PMVK: variants seen among roughly 807,000 people sequenced by gnomAD.
PMVK encodes the protein phosphomevalonate kinase.
PMVK carries 10 observed loss-of-function variants against 19.0 expected under a neutral mutation model. The observed-to-expected ratio is 0.53, with a 90% CI of 0.32 to 0.89. PMVK has a LOEUF of 0.89. Among genes scored for constraint, PMVK ranks in the 40% least tolerant of loss-of-function variants. PMVK has a pLI of 0.03. For synonymous variants in PMVK, 108 were observed against 101.6 expected (o/e 1.06, Z -0.38); for missense variants, 222 against 251.1 (o/e 0.88, Z 0.78).
chr1:154,932,453 A>C (rs1455098330), intron 1 of PMVK, 38 bp from the exon 2 acceptor site: 2 of 1,485,430 alleles, frequency 1.3e-6, no homozygotes, highest in Admixed American at 3.9e-5. Context: ...TTAGCCTAGA[A>C]TTTCCAGGAG....
At chr1:154,927,874 A>G (rs1398707622) in intron 3 of PMVK, among the ~76,000 whole-genome samples, 1 of 150,268 alleles carries the variant, frequency 6.7e-6, no homozygotes, top group Non-Finnish European at 1.5e-5. Context: ...ACGCTTCCCT[A>G]TCTCTCCTCA....
chr1:154,936,514 C>T, intron 1 of PMVK, 77 bp downstream of exon 1: 1 of 1,538,490 alleles, frequency 6.5e-7, no homozygotes, highest in Non-Finnish European at 8.8e-7. Flanking sequence ...AAAGCTCACT[C>T]CGTGACACCC....
At chr1:154,928,995 T>A (rs1301677224) in intron 3 of PMVK, 29 bp downstream of exon 3, 1 of 1,604,754 alleles carries the variant, frequency 6.2e-7, no homozygotes, top group Admixed American at 1.7e-5. Context: ...GAAACAGGTG[T>A]TCTTCATGCT....
upstream of PMVK, among the ~76,000 whole-genome samples, chr1:154,938,508 A>G (rs570592083): frequency 8.5e-5 from 13 of 152,274 alleles, no homozygotes; most frequent in East Asian, 2.3e-3. Flanking sequence ...GAGGCATGAG[A>G]ACACTTGAAC....
rs1372623502 is a variant in PMVK, at chr1:154,932,414, G to T, written c.97C>A (p.Leu33Ile). 6.2e-7 allele frequency: 1 copy of T among 1,609,596 alleles called. No individual in the cohort carries two copies. The highest frequency in any genetic ancestry group is 1.1e-5 in the South Asian group (1 of 90,612). Residue 33 changes from leucine to isoleucine, a missense_variant and splice_region_variant, in exon 2 of 5, where the codon CTT becomes ATT. Coordinates refer to ENST00000368467, the MANE Select transcript of PMVK (RefSeq NM_006556.4). ...DFVTEALQSR[L>I]GADVCAVLRL... ...AGGACAGCACAGACATCAGCTCCAA[G>T]TCTGCAGGACAGGGAGATCAGAATC...
chr1:154,929,309 C>A, intron 2 of PMVK, 133 bp from the exon 3 acceptor site: 1 of 769,734 alleles, frequency 1.3e-6, no homozygotes. Flanking sequence ...AGGTTTCAGC[C>A]AGGACAAAGG....
At chr1:154,931,842 T>C (rs1654344907) in intron 2 of PMVK, among the ~76,000 whole-genome samples, 1 of 152,136 alleles carries the variant, frequency 6.6e-6, no homozygotes, top group Admixed American at 6.6e-5. Context: ...TGTTGTTGTT[T>C]ACTTTAAAAA....
chr1:154,926,194 C>G (rs1278476272), intron 4 of PMVK, among the ~76,000 whole-genome samples, 160 bp downstream of exon 4: 1 of 152,208 alleles, frequency 6.6e-6, no homozygotes, highest in Non-Finnish European at 1.5e-5. Flanking sequence ...GCCAAGGGAA[C>G]CTTGACCCTC....
At position 154,925,062 on chromosome 1, in the gene PMVK, C is replaced by G. The variant is rs1654098212; in HGVS notation, c.*67G>C. On this transcript the variant is annotated 3_prime_UTR_variant, in exon 5 of 5. Transcript: ENST00000368467. Reference sequence around the variant, plus strand: ...CACCTCGGCCAGGATCGGGGGACACCCCCATTTTGCAGAGTCAGCCCCACC... The same window carrying G: ...CACCTCGGCCAGGATCGGGGGACACGCCCATTTTGCAGAGTCAGCCCCACC... 5.0e-6 allele frequency: 7 copies of G among 1,408,420 alleles called. No homozygotes were observed. Among genetic ancestry groups the G allele is most frequent in the African/African-American group, 1.5e-5 (1 of 68,256 alleles). The allele number at this position is 1,408,420 out of a possible 1,614,324, so 87.2% of individuals were successfully genotyped here. A position where few individuals can be genotyped will look rare whatever the true frequency, so the allele number is the denominator to read the frequency against.
In PMVK at chr1:154,925,041, T is replaced by G; in HGVS notation, c.*88A>C. The G allele has an allele frequency of 1.0e-5, 9 of 864,186 alleles. No individual in the cohort carries two copies. The highest frequency in any genetic ancestry group is 1.4e-5 in the Non-Finnish European group (9 of 642,050). 53.5% of individuals were successfully genotyped at this position (864,186 alleles called of 1,614,324 possible). A position where few individuals can be genotyped will look rare whatever the true frequency, so the allele number is the denominator to read the frequency against. On this transcript the variant is annotated 3_prime_UTR_variant, in exon 5 of 5. Coordinates refer to ENST00000368467, the MANE Select transcript of PMVK (RefSeq NM_006556.4). The stretch of plus-strand genomic sequence containing the variant: ...AGACCCCCCCTGTCTGTTCCTCACC[T>G]CGGCCAGGATCGGGGGACACCCCCA...
upstream of PMVK, among the ~76,000 whole-genome samples, chr1:154,940,756 G>A (rs1376515069): frequency 6.6e-6 from 1 of 152,154 alleles, no homozygotes; most frequent in Admixed American, 6.5e-5. Context: ...AAGGATTGGG[G>A]GGCCCCACAG....
At chr1:154,938,558 T>A (rs1439789493), upstream of PMVK, among the ~76,000 whole-genome samples, 3 of 152,078 alleles carry the variant, frequency 2.0e-5, no homozygotes, top group African/African-American at 7.2e-5. Context: ...ATTGTACCAC[T>A]GCGCTCCAGC....
At position 154,925,136 on chromosome 1, in the gene PMVK, C is replaced by A; in HGVS notation, c.572G>T (p.Arg191Ile). 6.5e-7 allele frequency: 1 copy of A among 1,532,386 alleles called. No homozygotes were observed. Among genetic ancestry groups the A allele is most frequent in the South Asian group, 1.1e-5 (1 of 89,974 alleles). 94.9% of individuals were successfully genotyped at this position (1,532,386 alleles called of 1,614,324 possible). The change falls in exon 5 of 5, where the codon AGA becomes ATA. Residue 191 changes from arginine to isoleucine, a missense_variant. Arg to Ile is a moderately conservative substitution (Grantham distance 97). Transcript: ENST00000368467. ...LENLIEFIRSRL is the reference protein window; with the variant it reads ...LENLIEFIRSIL ...ACTCCTAGAACCTAGTGACTAAAGTCTGGAGCGGATAAATTCTATCAGGTT... is the reference window on the plus strand; with the variant it reads ...ACTCCTAGAACCTAGTGACTAAAGTATGGAGCGGATAAATTCTATCAGGTT...
chr1:154,925,866 GTAGTGGTCA>G (rs1349508919), intron 4 of PMVK, among the ~76,000 whole-genome samples: 4 of 152,238 alleles, frequency 2.6e-5, no homozygotes, highest in Non-Finnish European at 5.9e-5. Context: ...AGCAGCATTA[GTAGTGGTCA>G]TACCCATTGG....
intron 1 of PMVK, 127 bp from the exon 2 acceptor site, chr1:154,932,542 G>T (rs1654371276): frequency 3.3e-6 from 2 of 601,012 alleles, no homozygotes; most frequent in Non-Finnish European, 5.9e-6. Flanking sequence ...AACTTTGGTA[G>T]GTCTCAATGT....
chr1:154,926,565 C>A lies in PMVK; in HGVS notation c.313-82G>T, dbSNP rs573586400. 320 of 1,317,836 alleles carry A rather than the reference C, an allele frequency of 2.4e-4. 1 individual carries two copies. In the African/African-American group the frequency reaches 4.2e-3, roughly 17 times the overall value. The allele number at this position is 1,317,836 out of a possible 1,614,324, so 81.6% of individuals were successfully genotyped here. On this transcript the variant is annotated intron_variant, in intron 3 of 4. Coordinates refer to ENST00000368467, the MANE Select transcript of PMVK (RefSeq NM_006556.4). ...GGTGGGAGGACTACAGAACCCAGGGCAGTGTGGGGTGTGGCTCTACCCCCC... is the reference window on the plus strand; with the variant it reads ...GGTGGGAGGACTACAGAACCCAGGGAAGTGTGGGGTGTGGCTCTACCCCCC...
chr1:154,932,572 T>A (rs1295760477), intron 1 of PMVK, among the ~76,000 whole-genome samples, 157 bp from the exon 2 acceptor site: 1 of 152,202 alleles, frequency 6.6e-6, no homozygotes, highest in Non-Finnish European at 1.5e-5. Context: ...TGTTTCCTCA[T>A]CAGAAAATGG....
At chr1:154,936,342 A>G in intron 1 of PMVK, 2 of 964,922 alleles carry the variant, frequency 2.1e-6, no homozygotes, top group African/African-American at 3.5e-5. Context: ...AGGAACCATT[A>G]TTAATGCTTC....
At chr1:154,927,678 T>C (rs977413951) in intron 3 of PMVK, among the ~76,000 whole-genome samples, 19 of 122,584 alleles carry the variant, frequency 1.5e-4, no homozygotes, top group Non-Finnish European at 2.2e-4. Flanking sequence ...TCCACCACTC[T>C]GGCCACCTGG....
Sources: gnomAD v4.1 joint callset for allele counts (sites outside exome capture counted in the v4.1 genomes callset) on GRCh38, gnomAD v4.1.1 for gene constraint, MANE v1.5 for transcripts, NCBI Gene and HGNC (gene_info 2026-07-23, HGNC 2026-07-21) for gene names.